The following P4HA1 variants were observed in gnomAD, a reference collection of about 807,000 sequenced individuals.
P4HA1 encodes prolyl 4-hydroxylase subunit alpha-1.
In P4HA1, 24 loss-of-function variants were observed where a neutral mutation model predicts 72.8. That is an observed-to-expected ratio of 0.33 (90% CI 0.24 to 0.46). The LOEUF is 0.46. Ranked by LOEUF, P4HA1 falls within the 20% of genes least tolerant of loss-of-function variation. The pLI is 1.00. For synonymous variants in P4HA1, 201 were observed against 218.8 expected, an observed-to-expected ratio of 0.92 and a Z score of 0.72; for missense variants, 446 against 640.6, an observed-to-expected ratio of 0.70 and a Z score of 3.28.
intron 11 of P4HA1, among the ~76,000 whole-genome samples, chr10:73,015,877 GT>G (rs113800763): frequency 0.013 from 1,837 of 144,826 alleles, 19 homozygotes; most frequent in Non-Finnish European, 0.016. Context: ...TAGGTGTTTG[GT>G]TTTTTTTTTT....
chr10:73,079,848 CA>C (rs1265913724), intron 1 of P4HA1, among the ~76,000 whole-genome samples: 2 of 152,174 alleles, frequency 1.3e-5, no homozygotes, highest in African/African-American at 4.8e-5. Context: ...CACACTTTCC[CA>C]TTCTATTTCC....
intron 4 of P4HA1, 119 bp downstream of exon 4, chr10:73,071,910 C>G: frequency 1.5e-6 from 1 of 655,838 alleles, no homozygotes; most frequent in Non-Finnish European, 2.5e-6. Context: ...TGCACCCAGG[C>G]ATAATCCAGT....
At chr10:73,022,158 T>G (rs927193494) in intron 10 of P4HA1, among the ~76,000 whole-genome samples, 1 of 152,192 alleles carries the variant, frequency 6.6e-6, no homozygotes, top group Non-Finnish European at 1.5e-5. Flanking sequence ...AGGATGGCAT[T>G]TGAGCTCTGA....
intron 5 of P4HA1, chr10:73,065,289 T>TC (rs1841394121): frequency 6.6e-6 from 1 of 151,292 alleles, no homozygotes; most frequent in African/African-American, 2.4e-5. Flanking sequence ...CAAATCAGGG[T>TC]TGGGAACAAA....
At chr10:73,085,894 G>C (rs1841915782) in intron 1 of P4HA1, among the ~76,000 whole-genome samples, 1 of 152,162 alleles carries the variant, frequency 6.6e-6, no homozygotes, top group Non-Finnish European at 1.5e-5. Flanking sequence ...TTGGGAGACT[G>C]AGGCAGGAGG....
intron 12 of P4HA1, among the ~76,000 whole-genome samples, chr10:73,012,600 G>C (rs1363203491): frequency 6.7e-6 from 1 of 149,468 alleles, no homozygotes; most frequent in African/African-American, 2.5e-5. Flanking sequence ...GGAGAGGAAG[G>C]AGATAGGGAA....
At chr10:73,085,731 AG>A (rs1408248947) in intron 1 of P4HA1, among the ~76,000 whole-genome samples, 1 of 152,126 alleles carries the variant, frequency 6.6e-6, no homozygotes, top group Admixed American at 6.5e-5. Context: ...ATTTCTCCAA[AG>A]AGGCAAGTAC....
intron 1 of P4HA1, among the ~76,000 whole-genome samples, chr10:73,077,817 CAAA>C (rs11334323): frequency 2.2e-5 from 3 of 133,884 alleles, no homozygotes; most frequent in African/African-American, 8.0e-5. Flanking sequence ...TTCATCTCTA[CAAA>C]AAAAAAAAAA....
intron 1 of P4HA1, among the ~76,000 whole-genome samples, chr10:73,081,165 A>G (rs981885830): frequency 6.6e-6 from 1 of 152,224 alleles, no homozygotes; most frequent in African/African-American, 2.4e-5. Context: ...CTCCTTTAAA[A>G]GAAAGACTAA....
chr10:73,055,120 C>T (rs1219352224), intron 5 of P4HA1, among the ~76,000 whole-genome samples: 1 of 152,148 alleles, frequency 6.6e-6, no homozygotes, highest in African/African-American at 2.4e-5. Flanking sequence ...GTAGTCCTGG[C>T]TAGCTGAGAG....
At chr10:73,091,167 CAAAAAAATAAAT>C (rs1384885716) in intron 1 of P4HA1, among the ~76,000 whole-genome samples, 1 of 143,144 alleles carries the variant, frequency 7.0e-6, no homozygotes, top group East Asian at 2.1e-4. Context: ...CTGAGTTTAC[CAAAAAAATAAAT>C]AAATAAATAA....
chr10:73,079,842 C>T (rs1479248476), intron 1 of P4HA1, among the ~76,000 whole-genome samples: 1 of 152,186 alleles, frequency 6.6e-6, no homozygotes, highest in Non-Finnish European at 1.5e-5. Context: ...AAGTAGCACA[C>T]TTTCCCATTC....
intron 13 of P4HA1, 86 bp downstream of exon 13, chr10:73,010,883 T>G (rs1484045454): frequency 2.1e-6 from 2 of 945,526 alleles, no homozygotes; most frequent in Non-Finnish European, 3.3e-6. Context: ...AAAAAAAATG[T>G]AATTCATTAA....
At chr10:73,049,683 A>AT (rs1840966979) in intron 7 of P4HA1, among the ~76,000 whole-genome samples, 1 of 152,212 alleles carries the variant, frequency 6.6e-6, no homozygotes, top group Admixed American at 6.5e-5. Context: ...TTATAGATAT[A>AT]TTTTAAAGAA....
intron 1 of P4HA1, among the ~76,000 whole-genome samples, chr10:73,088,128 A>G (rs1460540258): frequency 6.6e-6 from 1 of 152,156 alleles, no homozygotes; most frequent in East Asian, 1.9e-4. Context: ...CCTGGGCTCA[A>G]GCAATCCTCC....
At chr10:73,091,497 G>A (rs561991971) in intron 1 of P4HA1, among the ~76,000 whole-genome samples, 1 of 152,228 alleles carries the variant, frequency 6.6e-6, no homozygotes, top group East Asian at 1.9e-4. Context: ...CATATTTTTG[G>A]AGAAATTAGA....
rs200159365 is a variant in P4HA1, at chr10:73,051,151, C to T, written c.802G>A (p.Asp268Asn). 1.5e-5 allele frequency: 25 copies of T among 1,613,010 alleles called. No individual in the cohort carries two copies. The highest frequency in any genetic ancestry group is 3.3e-5 in the Admixed American group (2 of 60,006). Residue 268 changes from aspartate to asparagine, a missense_variant, in exon 7 of 15, where the codon GAT becomes AAT. Asp to Asn is a conservative substitution (Grantham distance 23). Transcript: ENST00000394890. ...VNKSASDDQS[D>N]QKTTPKKKGV... ...TTTTTCTTTGGTGTAGTTTTCTGATCAGATTGGTCATCTGAAGCAGACTTA... is the reference window on the plus strand; with the variant it reads ...TTTTTCTTTGGTGTAGTTTTCTGATTAGATTGGTCATCTGAAGCAGACTTA...
Position 73,071,161 on chromosome 10 carries a change from G to A in P4HA1, c.325+868C>T, listed in dbSNP as rs1841551694. On this transcript the variant is annotated intron_variant, in intron 4 of 14. Transcript: ENST00000394890. Reference sequence around the variant, plus strand: ...CCATTGTGCCACTGTACTCCAGCCTGGGCAACAGTTAGACAGTGAGACCCT... The same window carrying A: ...CCATTGTGCCACTGTACTCCAGCCTAGGCAACAGTTAGACAGTGAGACCCT... 3.3e-5 allele frequency: 5 copies of A among 151,424 alleles called. 1 individual carries two copies. Among genetic ancestry groups the A allele is most frequent in the Admixed American group, 2.0e-4 (3 of 15,150 alleles). 9.4% of individuals were successfully genotyped at this position (151,424 alleles called of 1,614,324 possible).
At chr10:73,089,789 A>G (rs1319066048) in intron 1 of P4HA1, among the ~76,000 whole-genome samples, 1 of 152,108 alleles carries the variant, frequency 6.6e-6, no homozygotes, top group Non-Finnish European at 1.5e-5. Flanking sequence ...TAAGCAACAG[A>G]AAGGAAACAA....
Sources: gnomAD v4.1 joint callset for allele counts (sites outside exome capture counted in the v4.1 genomes callset) on GRCh38, gnomAD v4.1.1 for gene constraint, MANE v1.5 for transcripts, NCBI Gene and HGNC (gene_info 2026-07-23, HGNC 2026-07-21) for gene names.